ATG5: variants seen among roughly 807,000 people sequenced by gnomAD.
ATG5 encodes autophagy related 5.
ATG5 carries 14 observed loss-of-function variants against 36.5 expected under a neutral mutation model. The observed-to-expected ratio is 0.38, with a 90% CI of 0.25 to 0.60. ATG5 has a LOEUF of 0.60. ATG5 is among the 20% of genes least tolerant of loss of function. ATG5 has a pLI of 0.60. For missense variants in ATG5, 195 were observed against 326.7 expected (o/e 0.60, Z 3.11); for synonymous variants, 95 against 101.5 (o/e 0.94, Z 0.38).
chr6:106,203,329 T>C (rs1452773943), intron 6 of ATG5, among the ~76,000 whole-genome samples: 7 of 152,214 alleles, frequency 4.6e-5, no homozygotes, highest in Admixed American at 1.3e-4. Flanking sequence ...CCAGTGTCTA[T>C]GAAGAGCACC....
At chr6:106,262,206 C>T (rs189191304) in intron 5 of ATG5, among the ~76,000 whole-genome samples, 149 of 152,214 alleles carry the variant, frequency 9.8e-4, no homozygotes, top group African/African-American at 3.4e-3. Flanking sequence ...CTGAGTAGCT[C>T]GGATTAGAGG....
At chr6:106,289,835 A>C (rs1780231476) in intron 4 of ATG5, among the ~76,000 whole-genome samples, 1 of 152,228 alleles carries the variant, frequency 6.6e-6, no homozygotes, top group African/African-American at 2.4e-5. Context: ...TAATGCCTTA[A>C]TAGACAACCA....
intron 4 of ATG5, 37 bp from the exon 5 acceptor site, chr6:106,279,860 C>CAAAATT: frequency 7.7e-7 from 1 of 1,301,720 alleles, no homozygotes; most frequent in Middle Eastern, 2.4e-4. Context: ...AAACAGGATA[C>CAAAATT]ACACATTACA....
intron 7 of ATG5, among the ~76,000 whole-genome samples, chr6:106,194,910 T>C (rs1036540802): frequency 2.6e-5 from 4 of 152,218 alleles, no homozygotes; most frequent in African/African-American, 9.6e-5. Context: ...TTATTTTTAA[T>C]GTACAAAGAA....
chr6:106,185,982 A>G lies in ATG5; in HGVS notation c.*558T>C, dbSNP rs1775750409. 6.5e-6 allele frequency: 1 copy of G among 152,874 alleles called. No individual in the cohort carries two copies. 9.5% of individuals were successfully genotyped at this position (152,874 alleles called of 1,614,324 possible). On this transcript the variant is annotated 3_prime_UTR_variant, in exon 8 of 8. Transcript: ENST00000369076. ...TCTCTCACTGTTCATTATCAAAGTT[A>G]CAAGATTGCATACCAATAGACAGAC...
intron 2 of ATG5, among the ~76,000 whole-genome samples, chr6:106,309,103 G>A (rs750510757): frequency 2.6e-5 from 4 of 152,142 alleles, no homozygotes; most frequent in East Asian, 1.9e-4. Flanking sequence ...GTAGATAAAA[G>A]AAGGAGCTTG....
chr6:106,197,252 T>G (rs754736567), intron 7 of ATG5, among the ~76,000 whole-genome samples: 8 of 152,182 alleles, frequency 5.3e-5, no homozygotes, highest in Non-Finnish European at 8.8e-5. Flanking sequence ...CTGGGTGCAG[T>G]AGCTCATGCC....
chr6:106,312,061 C>A (rs1770666000), intron 2 of ATG5, among the ~76,000 whole-genome samples: 1 of 152,126 alleles, frequency 6.6e-6, no homozygotes, highest in Admixed American at 6.5e-5. Context: ...AAACTCCTGA[C>A]CTCAGGTGAT....
intron 4 of ATG5, chr6:106,283,499 T>C (rs1779959413): frequency 6.6e-6 from 1 of 151,960 alleles, no homozygotes; most frequent in Non-Finnish European, 1.5e-5. Context: ...ACGGGAGTTT[T>C]GACCTGCTCC....
intron 1 of ATG5, chr6:106,325,284 GCAA>G (rs1231195127): frequency 1.3e-5 from 2 of 152,264 alleles, no homozygotes; most frequent in Admixed American, 6.5e-5. Flanking sequence ...ACCTTAGTAA[GCAA>G]CAGACATGTA....
intron 6 of ATG5, among the ~76,000 whole-genome samples, chr6:106,240,311 C>T (rs1455589156): frequency 1.4e-5 from 2 of 148,114 alleles, no homozygotes; most frequent in Non-Finnish European, 3.0e-5. Flanking sequence ...AGTTTAATAT[C>T]TATAAAAATT....
At chr6:106,299,241 G>A (rs754915896) in intron 3 of ATG5, among the ~76,000 whole-genome samples, 6 of 151,988 alleles carry the variant, frequency 3.9e-5, no homozygotes, top group Admixed American at 1.3e-4. Context: ...ACATTCTCCC[G>A]TATACTTTAA....
chr6:106,299,528 T>G (rs114548950), intron 3 of ATG5, among the ~76,000 whole-genome samples: 1,837 of 152,322 alleles, frequency 0.012, 42 homozygotes, highest in African/African-American at 0.042. Flanking sequence ...AGAAAATGAC[T>G]GCATAAGAAC....
At chr6:106,188,715 G>A (rs1582523023) in intron 7 of ATG5, among the ~76,000 whole-genome samples, 1 of 152,158 alleles carries the variant, frequency 6.6e-6, no homozygotes, top group East Asian at 1.9e-4. Context: ...CCCTGAATAA[G>A]TAGCACTGAT....
chr6:106,247,736 G>T (rs540943404), intron 6 of ATG5, among the ~76,000 whole-genome samples: 3 of 152,264 alleles, frequency 2.0e-5, no homozygotes, highest in African/African-American at 7.2e-5. Flanking sequence ...GTAAAAGCAT[G>T]GCACTACATA....
At chr6:106,300,114 T>A (rs1582672390) in intron 3 of ATG5, among the ~76,000 whole-genome samples, 2 of 152,210 alleles carry the variant, frequency 1.3e-5, no homozygotes, top group Admixed American at 6.5e-5. Context: ...ATATAAAATC[T>A]ATGTAAGTCA....
chr6:106,284,653 C>G (rs892298010), intron 4 of ATG5, among the ~76,000 whole-genome samples: 5 of 152,080 alleles, frequency 3.3e-5, no homozygotes, highest in African/African-American at 1.2e-4. Flanking sequence ...CCACACCCAG[C>G]CTTGTACATC....
intron 5 of ATG5, among the ~76,000 whole-genome samples, chr6:106,263,045 C>T (rs774945393): frequency 6.6e-6 from 1 of 152,200 alleles, no homozygotes; most frequent in African/African-American, 2.4e-5. Flanking sequence ...CAAGTGGTCT[C>T]GCTCAGTGGG....
chr6:106,318,116 A>G (rs1770925643), intron 1 of ATG5, among the ~76,000 whole-genome samples: 1 of 152,218 alleles, frequency 6.6e-6, no homozygotes, highest in African/African-American at 2.4e-5. Context: ...TTTTCTTCTC[A>G]GAAGAAGCAG....
Sources: gnomAD v4.1 joint callset for allele counts (sites outside exome capture counted in the v4.1 genomes callset) on GRCh38, gnomAD v4.1.1 for gene constraint, MANE v1.5 for transcripts, NCBI Gene and HGNC (gene_info 2026-07-23, HGNC 2026-07-21) for gene names.